ZNF714: variants seen among roughly 807,000 people sequenced by gnomAD.
The protein encoded by ZNF714 is zinc finger protein 714.
ZNF714 carries 32 observed loss-of-function variants against 46.2 expected under a neutral mutation model. The observed-to-expected ratio is 0.69, with a 90% CI of 0.52 to 0.93. ZNF714 has a LOEUF of 0.93. Ranked by LOEUF, ZNF714 falls within the 40% of genes least tolerant of loss-of-function variation. The pLI is 0.00. For synonymous variants in ZNF714, 199 were observed against 213.1 expected, an observed-to-expected ratio of 0.93 and a Z score of 0.58; for missense variants, 635 against 646.3, an observed-to-expected ratio of 0.98 and a Z score of 0.19.
rs537186388 is a variant in ZNF714, at chr19:21,106,929, C to T, written c.142+8019C>T. On this transcript the variant is annotated intron_variant, in intron 4 of 4. Transcript: ENST00000456283. The stretch of plus-strand genomic sequence containing the variant: ...TGCACCTCTGCCTCCCGGGTTCAAG[C>T]GATTATCCTGCCTCCAGCTCCTAAG... 3.3e-5 allele frequency among the ~76,000 whole-genome samples: 5 copies of T among 152,080 alleles called. No individual in the cohort carries two copies. The South Asian group carries it at 1.0e-3, about 32-fold the overall frequency.
At chr19:21,088,612 C>T (rs773006757) in intron 2 of ZNF714, among the ~76,000 whole-genome samples, 15 of 152,156 alleles carry the variant, frequency 9.9e-5, no homozygotes, top group Non-Finnish European at 1.9e-4. Context: ...GATTACTTGT[C>T]ACATGAACTA....
chr19:21,103,488 G>A (rs1969236776), intron 4 of ZNF714, among the ~76,000 whole-genome samples: 1 of 152,138 alleles, frequency 6.6e-6, no homozygotes, highest in Non-Finnish European at 1.5e-5. Flanking sequence ...AGGAGGCAGA[G>A]GTTGCAGTGA....
At chr19:21,083,671 GGTTT>G (rs1330173454) in intron 1 of ZNF714, among the ~76,000 whole-genome samples, 2 of 152,010 alleles carry the variant, frequency 1.3e-5, no homozygotes, top group African/African-American at 4.8e-5. Flanking sequence ...CTTTTTAAAA[GGTTT>G]GTTACCTGTT....
chr19:21,084,877 C>T lies in ZNF714; in HGVS notation c.-85+808C>T, dbSNP rs1968739583. 2.0e-5 allele frequency among the ~76,000 whole-genome samples: 3 copies of T among 151,990 alleles called. No homozygotes were observed. In the South Asian group the frequency reaches 6.2e-4, roughly 32 times the overall value. On this transcript the variant is annotated intron_variant, in intron 2 of 4. Coordinates refer to ENST00000456283, the MANE Select transcript of ZNF714 (RefSeq NM_182515.4). ...TCAGATGATCTGCCCTCCTTGGCCT[C>T]CCAAAGTGCTGGGATAACAGGTGTG...
At chr19:21,107,921 T>G (rs531072063) in intron 4 of ZNF714, among the ~76,000 whole-genome samples, 73 of 152,278 alleles carry the variant, frequency 4.8e-4, no homozygotes, top group African/African-American at 1.7e-3. Flanking sequence ...ATGATTTTGG[T>G]CTTCTTATTT....
intron 2 of ZNF714, among the ~76,000 whole-genome samples, chr19:21,096,825 A>C (rs1041181031): frequency 2.0e-5 from 3 of 152,120 alleles, no homozygotes; most frequent in African/African-American, 7.2e-5. Flanking sequence ...AACAGGATTA[A>C]GAATATGCTT....
At chr19:21,107,325 C>T (rs904819091) in intron 4 of ZNF714, among the ~76,000 whole-genome samples, 28 of 151,308 alleles carry the variant, frequency 1.9e-4, no homozygotes, top group African/African-American at 5.6e-4. Context: ...CCGCAACCTC[C>T]GCCTCCCGGG....
intron 4 of ZNF714, among the ~76,000 whole-genome samples, chr19:21,115,695 G>A (rs1212569718): frequency 6.6e-6 from 1 of 151,458 alleles, no homozygotes; most frequent in African/African-American, 2.4e-5. Context: ...CTTGTCTGTG[G>A]TTTTTGAAAT....
chr19:21,115,487 G>T (rs1969573283), intron 4 of ZNF714, among the ~76,000 whole-genome samples: 1 of 151,596 alleles, frequency 6.6e-6, no homozygotes, highest in African/African-American at 2.4e-5. Context: ...TTCAGAATTT[G>T]GTTATTTTTG....
chr19:21,115,071 A>G (rs1470021), intron 4 of ZNF714, among the ~76,000 whole-genome samples: 141,354 of 151,880 alleles, frequency 0.93, 65,857 homozygotes, highest in Middle Eastern at 0.98. Context: ...GTGGTATATT[A>G]GGAATTACAT....
At chr19:21,084,520 TG>T (rs1372870803) in intron 2 of ZNF714, among the ~76,000 whole-genome samples, 1 of 150,722 alleles carries the variant, frequency 6.6e-6, no homozygotes, top group East Asian at 2.0e-4. Flanking sequence ...TGAGTAGGAG[TG>T]GGTGGAAGAA....
In ZNF714 at chr19:21,124,386, T is replaced by TA. The variant is rs1969759726; in HGVS notation, c.*6060dup. 6.6e-6 allele frequency among the ~76,000 whole-genome samples: 1 copy of TA among 152,216 alleles called. No individual in the cohort carries two copies. The highest frequency in any genetic ancestry group is 2.4e-5 in the African/African-American group (1 of 41,450). The stretch of plus-strand genomic sequence containing the variant: ...ATATCAGAGTTCCTATGATTATGAC[T>TA]AAAAAATTAAATGACAATAGTCCCC... On this transcript the variant is annotated 3_prime_UTR_variant, in exon 5 of 5. Transcript: ENST00000456283.
At chr19:21,110,664 G>T (rs1017679071) in intron 4 of ZNF714, among the ~76,000 whole-genome samples, 5 of 152,120 alleles carry the variant, frequency 3.3e-5, no homozygotes, top group Non-Finnish European at 2.9e-5. Flanking sequence ...CTTTGCCCAT[G>T]CCTATGTCCT....
chr19:21,096,959 T>C (rs1015138734), intron 2 of ZNF714, among the ~76,000 whole-genome samples: 1 of 152,142 alleles, frequency 6.6e-6, no homozygotes, highest in Non-Finnish European at 1.5e-5. Context: ...CTCCGCCTCC[T>C]GGGTTCATGC....
Position 21,117,651 on chromosome 19 carries a change from A to G in ZNF714, c.987A>G (p.Thr329=). ...GCTTTAACTGGTCTTCAACCCTTAC[A>G]AAACATAAAAGAATTCATACTGGAG... ...GKGFNWSSTL[T]KHKRIHTGEK... is the part of the protein sequence containing the mutation. Residue 329 remains threonine, a synonymous_variant, in exon 5 of 5, where the codon ACA becomes ACG. Coordinates refer to ENST00000456283, the MANE Select transcript of ZNF714 (RefSeq NM_182515.4). The G allele has an allele frequency of 1.2e-6, 2 of 1,609,142 alleles. No individual in the cohort carries two copies. Among genetic ancestry groups the G allele is most frequent in the Admixed American group, 1.7e-5 (1 of 59,544 alleles).
intron 2 of ZNF714, among the ~76,000 whole-genome samples, chr19:21,093,016 T>A (rs1202519942): frequency 6.8e-6 from 1 of 147,994 alleles, no homozygotes; most frequent in East Asian, 2.0e-4. Context: ...TTCATGCCAT[T>A]CTCCTGCCTC....
chr19:21,089,956 C>T (rs796991849), intron 2 of ZNF714, among the ~76,000 whole-genome samples: 9 of 152,312 alleles, frequency 5.9e-5, no homozygotes, highest in East Asian at 1.9e-4. Context: ...GCCCTAGTGA[C>T]GTGGCTGGCT....
chr19:21,114,801 A>ATCT (rs1969553146), intron 4 of ZNF714, among the ~76,000 whole-genome samples: 1 of 152,054 alleles, frequency 6.6e-6, no homozygotes, highest in African/African-American at 2.4e-5. Flanking sequence ...TTCTTCCCAT[A>ATCT]TTTAGTGCTT....
intron 4 of ZNF714, among the ~76,000 whole-genome samples, chr19:21,113,486 C>T (rs796605413): frequency 1.4e-5 from 2 of 146,606 alleles, no homozygotes; most frequent in African/African-American, 5.0e-5. Flanking sequence ...AATTATGTTA[C>T]AATTTTTTTT....
Sources: allele counts gnomAD v4.1 joint callset (sites outside exome capture counted in the v4.1 genomes callset), GRCh38; gene constraint gnomAD v4.1.1; transcripts MANE v1.5; gene names NCBI Gene and HGNC (gene_info 2026-07-23, HGNC 2026-07-21).